The following GALNT2 variants were observed in gnomAD, a reference collection of about 807,000 sequenced individuals.
GALNT2 encodes the protein UDP-GalNAc:polypeptide N-acetylgalactosaminyltransferase 2.
A neutral mutation model predicts 81.4 loss-of-function variants in GALNT2; 31 were observed. The ratio of observed to expected loss-of-function variants is 0.38; its 90% CI spans 0.29 to 0.51. The LOEUF is 0.51. Ranked by LOEUF, GALNT2 falls within the 20% of genes least tolerant of loss-of-function variation. The pLI, the probability that GALNT2 is intolerant of heterozygous loss-of-function variation, is 0.87. For synonymous variants in GALNT2, 303 were observed against 287.4 expected (o/e 1.05, Z -0.55); for missense variants, 629 against 765.7 (o/e 0.82, Z 2.11).
intron 1 of GALNT2, among the ~76,000 whole-genome samples, chr1:230,074,650 C>T (rs1659478851): frequency 6.6e-6 from 1 of 152,186 alleles, no homozygotes; most frequent in Non-Finnish European, 1.5e-5. Flanking sequence ...ATGAGACTGC[C>T]TTTCTGTGTG....
intron 1 of GALNT2, among the ~76,000 whole-genome samples, chr1:230,095,840 G>A (rs555749114): frequency 5.9e-5 from 9 of 152,350 alleles, no homozygotes; most frequent in South Asian, 2.1e-4. Context: ...GAAAGAAACC[G>A]TGTGGGGTTG....
intron 3 of GALNT2, among the ~76,000 whole-genome samples, chr1:230,226,715 G>A (rs1443178491): frequency 3.3e-5 from 5 of 152,214 alleles, no homozygotes; most frequent in Admixed American, 1.3e-4. Flanking sequence ...CATCGCACCC[G>A]CGGACATTTC....
In GALNT2 at chr1:230,255,316, C is replaced by G; in HGVS notation, c.1108C>G (p.Pro370Ala). Residue 370 changes from proline to alanine, a missense_variant, in exon 11 of 16, where the codon CCG (proline) becomes GCG (alanine). By Grantham distance (27) the Pro-to-Ala change is conservative. This residue lies in a region of GALNT2 where 360 missense variants were observed against 492.8 expected (regional missense o/e 0.73). Transcript: ENST00000366672. ...VFRKQHPYTF[P>A]GGSGTVFARN... The stretch of plus-strand genomic sequence containing the variant: ...CCGGAAGCAGCACCCCTACACGTTC[C>G]CGGGTGGCAGTGGCACTGTCTTTGC... 1 of 1,614,230 alleles carries G rather than the reference C, an allele frequency of 6.2e-7. No individual in the cohort carries two copies. The highest frequency in any genetic ancestry group is 8.5e-7 in the Non-Finnish European group (1 of 1,180,050).
intron 2 of GALNT2, among the ~76,000 whole-genome samples, chr1:230,180,296 CTTTTTTTTTTTTTT>C (rs56786141): frequency 1.3e-3 from 90 of 70,606 alleles, no homozygotes; most frequent in African/African-American, 4.6e-3. Flanking sequence ...TGTCTAGGTT[CTTTTTTTTTTTTTT>C]TTTTTTTTTT....
chr1:230,113,837 G>A (rs189936661), intron 1 of GALNT2, among the ~76,000 whole-genome samples: 3 of 152,316 alleles, frequency 2.0e-5, no homozygotes. Context: ...AATGTGGGAA[G>A]CGAGGCCTCT....
chr1:230,268,123 C>T lies in GALNT2; in HGVS notation c.1440+2756C>T, dbSNP rs201419283. On this transcript the variant is annotated intron_variant, in intron 14 of 15. Coordinates refer to ENST00000366672, the MANE Select transcript of GALNT2 (RefSeq NM_004481.5). Reference sequence around the variant, plus strand: ...ACCATAGTGAAAATCCACCGAAATGCCCTCAGAAAAGTGGAGCTCTGTGAG... The same window carrying T: ...ACCATAGTGAAAATCCACCGAAATGTCCTCAGAAAAGTGGAGCTCTGTGAG... 4.4e-4 allele frequency among the ~76,000 whole-genome samples: 67 copies of T among 152,248 alleles called. 1 individual carries two copies. In the East Asian group the frequency reaches 0.01, roughly 24 times the overall value.
chr1:230,249,409 A>G (rs955329827), intron 9 of GALNT2, 138 bp downstream of exon 9: 7 of 653,416 alleles, frequency 1.1e-5, no homozygotes, highest in Non-Finnish European at 1.9e-5. Flanking sequence ...TCTCAGCTCA[A>G]AGATGAGCAC....
intron 1 of GALNT2, among the ~76,000 whole-genome samples, chr1:230,125,091 G>C (rs936691100): frequency 6.6e-6 from 1 of 152,218 alleles, no homozygotes; most frequent in East Asian, 1.9e-4. Flanking sequence ...TCCGCTAAGC[G>C]GTTGTTCTCT....
intron 1 of GALNT2, among the ~76,000 whole-genome samples, chr1:230,114,460 C>T (rs1157256282): frequency 6.6e-6 from 1 of 152,186 alleles, no homozygotes; most frequent in East Asian, 1.9e-4. Flanking sequence ...CACACGATTA[C>T]GTCTGTATGT....
chr1:230,246,045 C>A lies in GALNT2; in HGVS notation c.730-18C>A, dbSNP rs187742634. The A allele has an allele frequency of 2.5e-6, 4 of 1,600,958 alleles. No individual in the cohort carries two copies. The highest frequency in any genetic ancestry group is 1.1e-5 in the South Asian group (1 of 90,796). On this transcript the variant is annotated intron_variant, in intron 7 of 15. Coordinates refer to ENST00000366672, the MANE Select transcript of GALNT2 (RefSeq NM_004481.5). ...TTTTGCTGGGATTTTGATAACTACTCCTCTCTTTGTATTTTAGGACAGGAC... is the reference window on the plus strand; with the variant it reads ...TTTTGCTGGGATTTTGATAACTACTACTCTCTTTGTATTTTAGGACAGGAC...
chr1:230,153,414 A>G (rs1662150317), intron 1 of GALNT2, among the ~76,000 whole-genome samples: 1 of 152,212 alleles, frequency 6.6e-6, no homozygotes, highest in Non-Finnish European at 1.5e-5. Context: ...TCAGCCTTCA[A>G]CATTTTAAGG....
chr1:230,094,680 G>T (rs1013900625), intron 1 of GALNT2, among the ~76,000 whole-genome samples: 1 of 152,104 alleles, frequency 6.6e-6, no homozygotes, highest in African/African-American at 2.4e-5. Context: ...AACACATCTG[G>T]ACAGCTGATA....
chr1:230,262,874 C>T, intron 12 of GALNT2, 48 bp from the exon 13 acceptor site: 1 of 1,556,908 alleles, frequency 6.4e-7, no homozygotes, highest in Non-Finnish European at 8.9e-7. Context: ...GTAGAAAGCC[C>T]ATCTATTCTT....
chr1:230,116,964 A>G (rs993435611), intron 1 of GALNT2, among the ~76,000 whole-genome samples: 1 of 152,222 alleles, frequency 6.6e-6, no homozygotes, highest in African/African-American at 2.4e-5. Flanking sequence ...AAGCATTGGC[A>G]TCTCCTCCCT....
chr1:230,166,228 A>C (rs957215097), intron 1 of GALNT2, among the ~76,000 whole-genome samples: 4 of 152,246 alleles, frequency 2.6e-5, no homozygotes, highest in African/African-American at 9.6e-5. Context: ...TGAGCAAAGA[A>C]AATGTTAATG....
At chr1:230,134,112 GTT>G (rs977480955) in intron 1 of GALNT2, among the ~76,000 whole-genome samples, 11 of 120,866 alleles carry the variant, frequency 9.1e-5, no homozygotes, top group African/African-American at 1.2e-4. Flanking sequence ...ACCTGAATCT[GTT>G]TTTTTTTTTT....
intron 1 of GALNT2, among the ~76,000 whole-genome samples, chr1:230,168,362 C>T (rs79300759): frequency 6.6e-6 from 1 of 152,216 alleles, no homozygotes; most frequent in African/African-American, 2.4e-5. Flanking sequence ...TGCTCGCTTT[C>T]TCTGGGCTAA....
At chr1:230,240,437 C>T (rs760856785) in intron 6 of GALNT2, among the ~76,000 whole-genome samples, 8 of 152,126 alleles carry the variant, frequency 5.3e-5, no homozygotes, top group Non-Finnish European at 1.0e-4. Flanking sequence ...ACTAAAAATA[C>T]GAAAATTAGC....
Position 230,218,410 on chromosome 1 carries a change from G to A in GALNT2, c.374+15120G>A, listed in dbSNP as rs146787574. Among the ~76,000 whole-genome samples, 76 of 152,292 alleles carry A rather than the reference G, an allele frequency of 5.0e-4. No individual in the cohort carries two copies. In the East Asian group the frequency reaches 7.9e-3, roughly 16 times the overall value. ...CCTTTAGCAGCTGCACGATCTTGGC[G>A]TGTCAGTTAGCTCCTTCGTGATATA... On this transcript the variant is annotated intron_variant, in intron 3 of 15. Coordinates refer to ENST00000366672, the MANE Select transcript of GALNT2 (RefSeq NM_004481.5).
Sources: gnomAD v4.1 joint callset for allele counts (sites outside exome capture counted in the v4.1 genomes callset) on GRCh38, gnomAD v4.1.1 for gene constraint, gnomAD v4.1.1 regional missense constraint, MANE v1.5 for transcripts, NCBI Gene and HGNC (gene_info 2026-07-23, HGNC 2026-07-21) for gene names.